RNGTT: variants seen among roughly 807,000 people sequenced by gnomAD.
RNGTT encodes the protein mRNA-capping enzyme.
In RNGTT, 33 loss-of-function variants were observed where a neutral mutation model predicts 79.3. The ratio of observed to expected loss-of-function variants is 0.42; its 90% CI spans 0.32 to 0.56. RNGTT has a LOEUF of 0.56. Among genes scored for constraint, RNGTT ranks in the 20% least tolerant of loss-of-function variants. The pLI is 0.17. For synonymous variants in RNGTT, 222 were observed against 235.9 expected, an observed-to-expected ratio of 0.94 and a Z score of 0.54; for missense variants, 497 against 739.1, an observed-to-expected ratio of 0.67 and a Z score of 3.80.
At chr6:88,764,681 C>T (rs1778391639) in intron 13 of RNGTT, among the ~76,000 whole-genome samples, 1 of 152,124 alleles carries the variant, frequency 6.6e-6, no homozygotes, top group Admixed American at 6.6e-5. Context: ...ATAAACAAGT[C>T]ACCATGCTAT....
intron 9 of RNGTT, among the ~76,000 whole-genome samples, chr6:88,851,681 C>G (rs1781678485): frequency 6.6e-6 from 1 of 151,914 alleles, no homozygotes; most frequent in Admixed American, 6.6e-5. Context: ...TCACATCTGA[C>G]AGTCAGACAA....
intron 13 of RNGTT, among the ~76,000 whole-genome samples, chr6:88,689,406 C>T (rs925379055): frequency 2.0e-5 from 3 of 151,978 alleles, no homozygotes; most frequent in Non-Finnish European, 2.9e-5. Flanking sequence ...CCAGCCTGAC[C>T]GATGTGGCGA....
At chr6:88,954,837 G>C (rs1785373644) in intron 1 of RNGTT, among the ~76,000 whole-genome samples, 1 of 151,764 alleles carries the variant, frequency 6.6e-6, no homozygotes, top group Non-Finnish European at 1.5e-5. Flanking sequence ...GAGGTCAGGA[G>C]TTCAAGACCA....
intron 11 of RNGTT, among the ~76,000 whole-genome samples, chr6:88,838,391 A>G (rs1781153016): frequency 6.6e-6 from 1 of 152,182 alleles, no homozygotes; most frequent in Admixed American, 6.5e-5. Context: ...TATTAGTATA[A>G]TAATTGAGTT....
chr6:88,764,267 A>G (rs1008158184), intron 13 of RNGTT, among the ~76,000 whole-genome samples: 6 of 152,200 alleles, frequency 3.9e-5, no homozygotes, highest in Non-Finnish European at 1.5e-5. Flanking sequence ...TTCTGTTAAA[A>G]TATTTGCTGT....
chr6:88,909,966 A>G (rs1783779351), intron 4 of RNGTT, among the ~76,000 whole-genome samples: 1 of 151,346 alleles, frequency 6.6e-6, no homozygotes, highest in South Asian at 2.1e-4. Context: ...AAAAAAGAAT[A>G]TTTAAAAAAA....
intron 13 of RNGTT, among the ~76,000 whole-genome samples, chr6:88,729,227 A>T (rs2127818715): frequency 2.0e-5 from 3 of 152,188 alleles, no homozygotes; most frequent in Admixed American, 2.0e-4. Context: ...GAGCTTAAAA[A>T]TTTTCAAAAG....
At chr6:88,907,855 A>T (rs1582117019) in intron 4 of RNGTT, among the ~76,000 whole-genome samples, 4 of 151,024 alleles carry the variant, frequency 2.6e-5, no homozygotes, top group Admixed American at 2.6e-4. Context: ...TCCCACCTCA[A>T]CCTCCAGAGT....
chr6:88,833,220 GAC>G (rs1181161040), intron 11 of RNGTT, among the ~76,000 whole-genome samples: 3 of 152,076 alleles, frequency 2.0e-5, no homozygotes, highest in Non-Finnish European at 2.9e-5. Flanking sequence ...GTGGCACATA[GAC>G]ACCATGGAAT....
Position 88,938,914 on chromosome 6 carries a change from G to A in RNGTT, c.174+2157C>T, listed in dbSNP as rs547871232. 9.5e-4 allele frequency among the ~76,000 whole-genome samples: 144 copies of A among 152,290 alleles called. 2 individuals are homozygous for A. The highest frequency in any genetic ancestry group is 3.3e-3 in the African/African-American group (137 of 41,554). ...GGTATGGTATCCTTGGGTGGTAGGC[G>A]TTTTCTTTCAGAACTTTGAATATAT... On this transcript the variant is annotated intron_variant, in intron 2 of 15. Coordinates refer to ENST00000369485, the MANE Select transcript of RNGTT (RefSeq NM_003800.5).
intron 12 of RNGTT, among the ~76,000 whole-genome samples, chr6:88,793,749 C>A (rs1779498140): frequency 6.6e-6 from 1 of 152,080 alleles, no homozygotes; most frequent in Non-Finnish European, 1.5e-5. Flanking sequence ...TGAGCCAAGT[C>A]TGCGCCACTG....
chr6:88,815,925 T>A (rs902922747), intron 11 of RNGTT, among the ~76,000 whole-genome samples: 1 of 152,222 alleles, frequency 6.6e-6, no homozygotes, highest in Admixed American at 6.5e-5. Context: ...AAATAAACTT[T>A]ACTTTCCACA....
At chr6:88,754,155 CA>C (rs1777929284) in intron 13 of RNGTT, among the ~76,000 whole-genome samples, 1 of 152,108 alleles carries the variant, frequency 6.6e-6, no homozygotes, top group Non-Finnish European at 1.5e-5. Flanking sequence ...TCCTCATACC[CA>C]ACTCCAAAAT....
chr6:88,744,161 C>A (rs1227842564), intron 13 of RNGTT, among the ~76,000 whole-genome samples: 1 of 152,156 alleles, frequency 6.6e-6, no homozygotes, highest in Non-Finnish European at 1.5e-5. Context: ...TATGATTTAA[C>A]ATAAGGAAAT....
At chr6:88,824,121 A>G (rs77121988) in intron 11 of RNGTT, among the ~76,000 whole-genome samples, 2,930 of 152,310 alleles carry the variant, frequency 0.019, 87 homozygotes, top group African/African-American at 0.067. Context: ...TTAAAAATAC[A>G]GTTATGCATC....
chr6:88,672,992 T>C (rs1053840825), intron 14 of RNGTT, among the ~76,000 whole-genome samples: 6 of 152,230 alleles, frequency 3.9e-5, no homozygotes, highest in African/African-American at 1.4e-4. Flanking sequence ...AATTTCTGAA[T>C]TCATTTAACA....
At chr6:88,716,038 A>C (rs1282209003) in intron 13 of RNGTT, among the ~76,000 whole-genome samples, 1 of 151,786 alleles carries the variant, frequency 6.6e-6, no homozygotes, top group African/African-American at 2.4e-5. Flanking sequence ...CAACCTACAA[A>C]ATGGGAGAAA....
chr6:88,709,946 T>G (rs1776264053), intron 13 of RNGTT, among the ~76,000 whole-genome samples: 1 of 152,200 alleles, frequency 6.6e-6, no homozygotes, highest in Non-Finnish European at 1.5e-5. Flanking sequence ...AAACTGTAAG[T>G]AGTGTATTGT....
At position 88,610,978 on chromosome 6, in the gene RNGTT, A is replaced by G. The variant is rs1031747133; in HGVS notation, c.*1741T>C. 1.3e-5 allele frequency: 2 copies of G among 152,188 alleles called. No individual in the cohort carries two copies. Among genetic ancestry groups the G allele is most frequent in the African/African-American group, 2.4e-5 (1 of 41,446 alleles). The allele number at this position is 152,188 out of a possible 1,614,324, so 9.4% of individuals were successfully genotyped here. On this transcript the variant is annotated 3_prime_UTR_variant, in exon 16 of 16. Transcript: ENST00000369485. ...TTTTTTAATCCATTTTGTAAAAGAT[A>G]CTATGGAACCTTGAGAATTTTCCCT...
Sources: gnomAD v4.1 joint callset for allele counts (sites outside exome capture counted in the v4.1 genomes callset) on GRCh38, gnomAD v4.1.1 for gene constraint, MANE v1.5 for transcripts, NCBI Gene and HGNC (gene_info 2026-07-23, HGNC 2026-07-21) for gene names.